CSMD1: variants seen among roughly 807,000 people sequenced by gnomAD.
The protein encoded by CSMD1 is CUB and sushi domain-containing protein 1.
Under a neutral mutation model 417.5 loss-of-function variants are expected in CSMD1, and 213 were observed. The observed-to-expected ratio is 0.51, with a 90% CI of 0.46 to 0.57. The LOEUF (loss-of-function observed/expected upper bound fraction) is 0.57, where lower values mean the gene tolerates loss of function less well. Among genes scored for constraint, CSMD1 ranks in the 20% least tolerant of loss-of-function variants. The probability of loss-of-function intolerance (pLI) is 0.00; values close to 1 mark genes in which losing one functional copy is unlikely to be tolerated. For synonymous variants in CSMD1, 2,862 were observed against 1,736.8 expected, an observed-to-expected ratio of 1.65 and a Z score of -16.11; for missense variants, 6,923 against 4,529.7, an observed-to-expected ratio of 1.53 and a Z score of -15.17.
chr8:4,901,283 A>G (rs953868195), intron 1 of CSMD1, among the ~76,000 whole-genome samples: 1 of 152,158 alleles, frequency 6.6e-6, no homozygotes, highest in East Asian at 1.9e-4. Flanking sequence ...TACATTGTTA[A>G]GTTTGTGATA....
intron 1 of CSMD1, among the ~76,000 whole-genome samples, chr8:4,889,084 T>C (rs1803938748): frequency 6.6e-6 from 1 of 152,046 alleles, no homozygotes; most frequent in African/African-American, 2.4e-5. Flanking sequence ...TGAATGAACG[T>C]TTGATGAGAA....
chr8:3,059,150 A>C (rs1280601180), intron 49 of CSMD1, among the ~76,000 whole-genome samples: 1 of 151,924 alleles, frequency 6.6e-6, no homozygotes, highest in Non-Finnish European at 1.5e-5. Flanking sequence ...ATCCCATCAA[A>C]GCGTATTTTA....
chr8:3,603,582 G>C (rs572627923), intron 8 of CSMD1, among the ~76,000 whole-genome samples: 28 of 152,234 alleles, frequency 1.8e-4, no homozygotes, highest in African/African-American at 5.3e-4. Context: ...AAAAATAAAA[G>C]ACAGTTCTTT....
intron 5 of CSMD1, among the ~76,000 whole-genome samples, chr8:3,789,428 GTTTTTTTTTAAGTGTTT>G (rs1799612901): frequency 2.4e-5 from 2 of 84,918 alleles, no homozygotes; most frequent in South Asian, 4.0e-4. Context: ...TTTAAGTAGT[GTTTTTTTTTAAGTGTTT>G]TTTTTTTTTT....
intron 3 of CSMD1, among the ~76,000 whole-genome samples, chr8:4,136,644 A>T (rs544781738): frequency 2.6e-5 from 4 of 152,266 alleles, no homozygotes; most frequent in African/African-American, 9.6e-5. Flanking sequence ...GTGAGACAGC[A>T]TTTTCCTTTT....
Position 3,396,301 on chromosome 8 carries a change from T to C in CSMD1, c.2486A>G (p.His829Arg). 6.2e-7 allele frequency: 1 copy of C among 1,606,172 alleles called. No individual in the cohort carries two copies. Among genetic ancestry groups the C allele is most frequent in the Non-Finnish European group, 8.5e-7 (1 of 1,176,270 alleles). The change falls in exon 17 of 70, where the codon CAC becomes CGC. Residue 829 changes from histidine (H) to arginine (R), a missense_variant. His to Arg is a conservative substitution (Grantham distance 29, BLOSUM62 0). Coordinates refer to ENST00000635120, the MANE Select transcript of CSMD1 (RefSeq NM_033225.6). ...GAGGAACTGGGGTGCCTGGGTGCCG[T>C]GGTACTCGCCGATCAGTGGGGACGA... ...ASSSPLIGEY[H>R]GTQAPQFLIS... is the part of the protein sequence containing the mutation.
intron 25 of CSMD1, among the ~76,000 whole-genome samples, chr8:3,288,696 CTTTA>C (rs2117263532): frequency 6.8e-6 from 1 of 146,862 alleles, no homozygotes; most frequent in South Asian, 2.1e-4. Flanking sequence ...CTCTTTTCTT[CTTTA>C]TTTTTCTTGA....
In CSMD1 at chr8:4,253,537, A is replaced by C. The variant is rs1011098116; in HGVS notation, c.415+166416T>G. Among the ~76,000 whole-genome samples, 4 of 152,306 alleles carry C rather than the reference A, an allele frequency of 2.6e-5. No homozygotes were observed. The East Asian group carries it at 7.7e-4, about 29-fold the overall frequency. On this transcript the variant is annotated intron_variant, in intron 3 of 69. Coordinates refer to ENST00000635120, the MANE Select transcript of CSMD1 (RefSeq NM_033225.6). ...GGGATAGAGAAAGAAGAAAAGGATG[A>C]TGTTATTTAATCTTGGAGAACATTT...
At chr8:3,571,091 G>A (rs969638697) in intron 10 of CSMD1, among the ~76,000 whole-genome samples, 1 of 152,206 alleles carries the variant, frequency 6.6e-6, no homozygotes, top group Non-Finnish European at 1.5e-5. Context: ...TTAAAACTCT[G>A]TAATGGCACT....
At chr8:4,061,568 C>G (rs909144539) in intron 3 of CSMD1, among the ~76,000 whole-genome samples, 3 of 152,162 alleles carry the variant, frequency 2.0e-5, no homozygotes, top group African/African-American at 7.2e-5. Context: ...CCCTCATGCT[C>G]TTGACTATGG....
At chr8:3,385,233 CTATGAATGCA>C (rs1208474232) in intron 18 of CSMD1, among the ~76,000 whole-genome samples, 1 of 146,392 alleles carries the variant, frequency 6.8e-6, no homozygotes, top group Non-Finnish European at 1.5e-5. Context: ...ACATGCATAT[CTATGAATGCA>C]TATGTATGTA....
intron 52 of CSMD1, among the ~76,000 whole-genome samples, chr8:3,001,275 T>C (rs1242778251): frequency 1.3e-5 from 2 of 152,144 alleles, no homozygotes; most frequent in Admixed American, 6.5e-5. Flanking sequence ...GGATGACAGG[T>C]GTGAGCCACC....
At chr8:3,234,783 CA>C in intron 26 of CSMD1, among the ~76,000 whole-genome samples, 1 of 152,206 alleles carries the variant, frequency 6.6e-6, no homozygotes, top group East Asian at 1.9e-4. Flanking sequence ...ATACAATCAC[CA>C]GAATCACAAG....
intron 14 of CSMD1, among the ~76,000 whole-genome samples, chr8:3,407,506 T>G (rs953567609): frequency 2.6e-5 from 4 of 151,124 alleles, no homozygotes; most frequent in African/African-American, 7.3e-5. Context: ...GATGGATGGA[T>G]GAATGAAAGG....
At chr8:4,872,325 T>C (rs899456253) in intron 1 of CSMD1, among the ~76,000 whole-genome samples, 2 of 152,004 alleles carry the variant, frequency 1.3e-5, no homozygotes, top group African/African-American at 4.8e-5. Context: ...TGAATTATAA[T>C]CCCCATCATC....
intron 1 of CSMD1, among the ~76,000 whole-genome samples, chr8:4,944,771 G>C (rs768656847): frequency 6.6e-6 from 1 of 152,100 alleles, no homozygotes; most frequent in East Asian, 1.9e-4. Context: ...AGGATGTAAA[G>C]GGATGGCAAA....
At chr8:4,316,340 G>A (rs1006304909) in intron 3 of CSMD1, among the ~76,000 whole-genome samples, 3 of 152,044 alleles carry the variant, frequency 2.0e-5, no homozygotes, top group African/African-American at 7.2e-5. Context: ...ATTCCAAGCG[G>A]TTTCTTAGGT....
At chr8:3,909,006 G>A (rs768894772) in intron 5 of CSMD1, among the ~76,000 whole-genome samples, 1 of 152,206 alleles carries the variant, frequency 6.6e-6, no homozygotes, top group African/African-American at 2.4e-5. Flanking sequence ...CTTCACTACT[G>A]TAGGAGGCTT....
chr8:3,558,024 G>C (rs1324703888), intron 10 of CSMD1, among the ~76,000 whole-genome samples: 1 of 150,754 alleles, frequency 6.6e-6, no homozygotes, highest in Non-Finnish European at 1.5e-5. Flanking sequence ...AATGATGAAT[G>C]GTGCCTCAGA....
Sources: allele counts gnomAD v4.1 joint callset (sites outside exome capture counted in the v4.1 genomes callset), GRCh38; gene constraint gnomAD v4.1.1; transcripts MANE v1.5; gene names NCBI Gene and HGNC (gene_info 2026-07-23, HGNC 2026-07-21).